Variants in SYTL2 observed in about 807,000 individuals in gnomAD.
SYTL2 encodes synaptotagmin-like protein 2.
SYTL2 carries 165 observed loss-of-function variants against 198.7 expected under a neutral mutation model. That is an observed-to-expected ratio of 0.83 (90% CI 0.73 to 0.94). The LOEUF (loss-of-function observed/expected upper bound fraction) is 0.94, where lower values mean the gene tolerates loss of function less well. Ranked by LOEUF, SYTL2 falls within the 40% of genes least tolerant of loss-of-function variation. The probability of loss-of-function intolerance (pLI) is 0.00; values close to 1 mark genes in which losing one functional copy is unlikely to be tolerated. For missense variants in SYTL2, 2,835 were observed against 2,582.8 expected (o/e 1.10, Z -2.12); for synonymous variants, 966 against 917.7 (o/e 1.05, Z -0.95).
rs1195678469 is a variant in SYTL2 at position 85,694,689 on chromosome 11, C to T, written c.*506G>A. On this transcript the variant is annotated 3_prime_UTR_variant, in exon 20 of 20. Coordinates refer to ENST00000359152, the MANE Select transcript of SYTL2 (RefSeq NM_206927.4). ...GAATTCCATATTTTATTAGAGATTA[C>T]AGAGTAAATAGTTTCTTAAGGTCCA... 6.8e-6 allele frequency: 1 copy of T among 147,278 alleles called. No individual in the cohort carries two copies. The highest frequency in any genetic ancestry group is 2.5e-5 in the African/African-American group (1 of 39,810). 9.1% of individuals were successfully genotyped at this position (147,278 alleles called of 1,614,324 possible).
chr11:85,847,382 C>A, the SYTL2 span, among the ~76,000 whole-genome samples: 1 of 152,086 alleles, frequency 6.6e-6, no homozygotes, highest in Admixed American at 6.5e-5. Flanking sequence ...TTATTCCCCC[C>A]ACCCTTTTTT....
the SYTL2 span, among the ~76,000 whole-genome samples, chr11:85,841,362 A>T: frequency 1.7e-3 from 256 of 152,330 alleles, 2 homozygotes; most frequent in African/African-American, 6.0e-3. Flanking sequence ...ACAAAGACAC[A>T]TGCACGCATA....
chr11:85,761,420 C>G (rs116025208), intron 1 of SYTL2, among the ~76,000 whole-genome samples: 374 of 152,226 alleles, frequency 2.5e-3, no homozygotes, highest in African/African-American at 8.2e-3. Context: ...CAAGAAATGG[C>G]AAGGTGACCA....
chr11:85,834,156 AAC>A, the SYTL2 span, among the ~76,000 whole-genome samples: 1 of 152,200 alleles, frequency 6.6e-6, no homozygotes, highest in East Asian at 1.9e-4. Flanking sequence ...ATAGAATCAG[AAC>A]TACAAATACT....
chr11:85,710,579 T>C (rs2086079635), intron 13 of SYTL2, among the ~76,000 whole-genome samples: 2 of 152,212 alleles, frequency 1.3e-5, no homozygotes, highest in Non-Finnish European at 2.9e-5. Flanking sequence ...AGAAGTTCTA[T>C]GTAAAGTCAA....
the SYTL2 span, among the ~76,000 whole-genome samples, chr11:85,842,432 T>C: frequency 6.6e-6 from 1 of 152,182 alleles, no homozygotes; most frequent in East Asian, 1.9e-4. Context: ...GGTAAGACAA[T>C]TCTGAGCGTA....
intron 10 of SYTL2, 168 bp from the exon 11 acceptor site, chr11:85,717,698 T>A (rs1205370806): frequency 3.0e-6 from 2 of 660,352 alleles, no homozygotes; most frequent in African/African-American, 3.6e-5. Flanking sequence ...TTCATTAGCC[T>A]CTTTAAGGTC....
Position 85,717,422 on chromosome 11 carries a change from A to G in SYTL2, c.5530+61T>C, listed in dbSNP as rs184332179. 6.5e-6 allele frequency: 9 copies of G among 1,386,008 alleles called. No individual in the cohort carries two copies. The East Asian group carries it at 2.1e-4, about 32-fold the overall frequency. 85.9% of individuals were successfully genotyped at this position (1,386,008 alleles called of 1,614,324 possible). A position where few individuals can be genotyped will look rare whatever the true frequency, so the allele number is the denominator to read the frequency against. On this transcript the variant is annotated intron_variant, in intron 11 of 19. Transcript: ENST00000359152. ...TGTTATTAATGGGGTTAGTTATTTC[A>G]GTATATTTAATATGTAAAGTGGAAT...
At chr11:85,830,283 T>C in the SYTL2 span, among the ~76,000 whole-genome samples, 31 of 152,144 alleles carry the variant, frequency 2.0e-4, no homozygotes, top group Non-Finnish European at 4.0e-4. Flanking sequence ...AAACCAATGG[T>C]CTACTGGATA....
rs777040080 is a variant in SYTL2, at chr11:85,734,439, T to C, written c.890A>G (p.Lys297Arg). The C allele has an allele frequency of 2.5e-6, 4 of 1,614,184 alleles. No individual in the cohort carries two copies. Among genetic ancestry groups the C allele is most frequent in the South Asian group, 1.1e-5 (1 of 91,072 alleles). The change falls in exon 7 of 20, where the codon AAA becomes AGA. Residue 297 changes from lysine to arginine, a missense_variant. By Grantham distance (26) the Lys-to-Arg change is conservative. Transcript: ENST00000359152. ...TAGGCCAGGTGACACAATTTTGCTT[T>C]TGGGTTCAAAGTTGTGATTATAACG... ...TLRYNHNFEPKSKIVSPGLTI... is the reference protein window; with the variant it reads ...TLRYNHNFEPRSKIVSPGLTI...
chr11:85,786,547 T>C (rs1364314290), intron 1 of SYTL2, among the ~76,000 whole-genome samples: 2 of 152,138 alleles, frequency 1.3e-5, no homozygotes, highest in African/African-American at 4.8e-5. Context: ...TCTACAATTG[T>C]CTCAAAATAA....
Position 85,727,967 on chromosome 11 carries a change from T to A in SYTL2, c.1391A>T (p.Asp464Val). ...LESVLPRSPA[D>V]ELSHCVEPEP... ...AGGCTCAACACAATGAGACAGTTCATCTGCAACATAGAAATACTTTTCTAA... is the reference window on the plus strand; with the variant it reads ...AGGCTCAACACAATGAGACAGTTCAACTGCAACATAGAAATACTTTTCTAA... The change falls in exon 8 of 20, where the codon GAT (aspartate) becomes GTT (valine). Residue 464 changes from aspartate (D) to valine (V), a missense_variant and splice_region_variant. Transcript: ENST00000359152. The A allele has an allele frequency of 6.3e-7, 1 of 1,577,312 alleles. No homozygotes were observed. The highest frequency in any genetic ancestry group is 2.2e-5 in the East Asian group (1 of 44,594).
chr11:85,704,378 T>C (rs1024804828), intron 16 of SYTL2, among the ~76,000 whole-genome samples: 7 of 152,056 alleles, frequency 4.6e-5, no homozygotes, highest in African/African-American at 1.2e-4. Flanking sequence ...ATCTCAAATA[T>C]AGTGAATCAA....
the SYTL2 span, among the ~76,000 whole-genome samples, chr11:85,817,909 T>A: frequency 6.7e-6 from 1 of 148,422 alleles, no homozygotes; most frequent in Non-Finnish European, 1.5e-5. Context: ...TTTCTTTTTT[T>A]TTTTTTTTTT....
chr11:85,768,304 A>G (rs907812988), intron 1 of SYTL2, among the ~76,000 whole-genome samples: 1 of 152,236 alleles, frequency 6.6e-6, no homozygotes, highest in Admixed American at 6.5e-5. Context: ...TACCCCCAAT[A>G]GAAGAAGTGT....
the SYTL2 span, among the ~76,000 whole-genome samples, chr11:85,847,509 A>G: frequency 6.6e-6 from 1 of 152,154 alleles, no homozygotes; most frequent in African/African-American, 2.4e-5. Context: ...TTGCTGGGTC[A>G]TACAGTATAT....
In SYTL2 at chr11:85,724,820, G is replaced by C. The variant is rs2088893501; in HGVS notation, c.4538C>G (p.Pro1513Arg). Reference sequence around the variant, plus strand: ...CCCTGTATCACTTTCATATTTTGAGGGGAAGGTTTCAGTTTCTTCCTTCAG... The same window carrying C: ...CCCTGTATCACTTTCATATTTTGAGCGGAAGGTTTCAGTTTCTTCCTTCAG... ...KLLKEETETF[P>R]SKYESDTGNL... Residue 1513 changes from proline to arginine, a missense_variant, in exon 8 of 20, where the codon CCC becomes CGC. By Grantham distance (103) the Pro-to-Arg change is moderately radical. This residue lies in a region of SYTL2 where 2,645 missense variants were observed against 2,381.7 expected (regional missense o/e 1.11). Coordinates refer to ENST00000359152, the MANE Select transcript of SYTL2 (RefSeq NM_206927.4). 3 of 1,613,424 alleles carry C rather than the reference G, an allele frequency of 1.9e-6. No homozygotes were observed. In the Admixed American group the frequency reaches 5.0e-5, roughly 27 times the overall value.
chr11:85,775,545 C>T (rs970831031), intron 1 of SYTL2, among the ~76,000 whole-genome samples: 3 of 152,150 alleles, frequency 2.0e-5, no homozygotes, highest in Admixed American at 6.5e-5. Context: ...TACAGTGGCG[C>T]TATCTCGGCA....
At chr11:85,790,528 A>T (rs1427058091) in intron 1 of SYTL2, among the ~76,000 whole-genome samples, 1 of 152,236 alleles carries the variant, frequency 6.6e-6, no homozygotes, top group Non-Finnish European at 1.5e-5. Context: ...GAGGAGAAGT[A>T]TAATTTATTT....
Sources: gnomAD v4.1 joint callset for allele counts (sites outside exome capture counted in the v4.1 genomes callset) on GRCh38, gnomAD v4.1.1 for gene constraint, gnomAD v4.1.1 regional missense constraint, MANE v1.5 for transcripts, NCBI Gene and HGNC (gene_info 2026-07-23, HGNC 2026-07-21) for gene names.